Variants in ATF6 observed in about 807,000 individuals in gnomAD.
ATF6 encodes the protein activating transcription factor 6.
Under a neutral mutation model 83.6 loss-of-function variants are expected in ATF6, and 53 were observed. The ratio of observed to expected loss-of-function variants is 0.63; its 90% CI spans 0.51 to 0.80. The LOEUF (loss-of-function observed/expected upper bound fraction) is 0.80. Ranked by LOEUF, ATF6 falls within the 30% of genes least tolerant of loss-of-function variation. The probability of loss-of-function intolerance (pLI) is 0.00; values close to 1 mark genes in which losing one functional copy is unlikely to be tolerated. For synonymous variants in ATF6, 288 were observed against 285.8 expected (o/e 1.01, Z -0.08); for missense variants, 744 against 797.9 (o/e 0.93, Z 0.81).
intron 14 of ATF6, among the ~76,000 whole-genome samples, chr1:161,874,075 C>T (rs1435451055): frequency 6.6e-6 from 1 of 151,596 alleles, no homozygotes; most frequent in African/African-American, 2.4e-5. Flanking sequence ...AATTCAAATG[C>T]ATTTTTAAAA....
intron 7 of ATF6, among the ~76,000 whole-genome samples, 190 bp from the exon 8 acceptor site, chr1:161,819,443 G>C (rs1190847540): frequency 2.0e-5 from 3 of 152,110 alleles, no homozygotes; most frequent in Non-Finnish European, 2.9e-5. Flanking sequence ...GTTTTAGAAG[G>C]CCTTATTTAA....
chr1:161,961,269 G>GGGGT lies in ATF6; in HGVS notation c.*2617_*2620dup, dbSNP rs1334696876. 3 of 152,274 alleles carry GGGGT rather than the reference G, an allele frequency of 2.0e-5. No homozygotes were observed. The highest frequency in any genetic ancestry group is 4.4e-5 in the Non-Finnish European group (3 of 68,092). 9.4% of individuals were successfully genotyped at this position (152,274 alleles called of 1,614,324 possible). ...GGCCGGCAGCTCTGCCACAGAGCTA[G>GGGGT]GGGTGCCTGTAAGGTGCCGCCTAGA... is the stretch of plus-strand genomic sequence containing the variant. On this transcript the variant is annotated 3_prime_UTR_variant, in exon 16 of 16. Transcript: ENST00000367942.
chr1:161,915,127 A>T (rs573560823), intron 15 of ATF6, among the ~76,000 whole-genome samples: 89 of 152,278 alleles, frequency 5.8e-4, no homozygotes, highest in Admixed American at 2.6e-3. Flanking sequence ...CACTGAGAAA[A>T]TAGATGTCAT....
intron 6 of ATF6, among the ~76,000 whole-genome samples, chr1:161,792,643 T>G (rs1184434248): frequency 6.6e-6 from 1 of 152,144 alleles, no homozygotes; most frequent in East Asian, 1.9e-4. Flanking sequence ...GTCAGCCAGA[T>G]TTTTGTGGCT....
intron 6 of ATF6, among the ~76,000 whole-genome samples, chr1:161,800,702 A>G (rs1264040855): frequency 6.6e-6 from 1 of 152,154 alleles, no homozygotes; most frequent in Non-Finnish European, 1.5e-5. Context: ...TTAAAAGCCT[A>G]CTGTACCCTC....
intron 6 of ATF6, among the ~76,000 whole-genome samples, chr1:161,794,141 G>A (rs1352575981): frequency 3.9e-5 from 6 of 152,108 alleles, no homozygotes; most frequent in Middle Eastern, 3.4e-3. Flanking sequence ...TCTTGACCTC[G>A]TAATCGCCTG....
chr1:161,830,017 T>G (rs1251541101), intron 9 of ATF6, among the ~76,000 whole-genome samples: 1 of 152,090 alleles, frequency 6.6e-6, no homozygotes, highest in Non-Finnish European at 1.5e-5. Flanking sequence ...TCAAATTGTT[T>G]GCAGATGACA....
chr1:161,896,616 C>T (rs1048117643), intron 14 of ATF6, among the ~76,000 whole-genome samples: 1 of 152,136 alleles, frequency 6.6e-6, no homozygotes, highest in Non-Finnish European at 1.5e-5. Flanking sequence ...TGCAGATGAA[C>T]AGGAATCGAA....
chr1:161,913,117 G>A (rs1688024050), intron 15 of ATF6, among the ~76,000 whole-genome samples: 1 of 152,162 alleles, frequency 6.6e-6, no homozygotes, highest in South Asian at 2.1e-4. Flanking sequence ...CACAGTGTAT[G>A]TTATTGACTA....
At chr1:161,766,517 A>G in intron 1 of ATF6, 75 bp downstream of exon 1, 1 of 1,440,588 alleles carries the variant, frequency 6.9e-7, no homozygotes, top group South Asian at 1.2e-5. Flanking sequence ...ACTTCCGCCC[A>G]CTCGTGGTGA....
At chr1:161,776,976 G>C (rs910925122) in intron 1 of ATF6, among the ~76,000 whole-genome samples, 1 of 152,186 alleles carries the variant, frequency 6.6e-6, no homozygotes, top group Non-Finnish European at 1.5e-5. Context: ...GAGGTGGGAG[G>C]AAAACTGGGT....
At chr1:161,770,754 C>T (rs1157711668) in intron 1 of ATF6, among the ~76,000 whole-genome samples, 1 of 152,218 alleles carries the variant, frequency 6.6e-6, no homozygotes, top group Admixed American at 6.5e-5. Context: ...TTGCTTCCAA[C>T]TTTTGGCAAT....
intron 15 of ATF6, among the ~76,000 whole-genome samples, chr1:161,936,757 C>T (rs1184766367): frequency 6.6e-6 from 1 of 152,082 alleles, no homozygotes; most frequent in East Asian, 1.9e-4. Context: ...CACTCTAATC[C>T]CTGAACTCCA....
At chr1:161,931,418 C>T (rs61809464) in intron 15 of ATF6, among the ~76,000 whole-genome samples, 6,089 of 152,074 alleles carry the variant, frequency 0.04, 189 homozygotes, top group Non-Finnish European at 0.062. Flanking sequence ...CTTTTTCAGA[C>T]GAAATAATAT....
chr1:161,939,556 A>G (rs990561910), intron 15 of ATF6, among the ~76,000 whole-genome samples: 2 of 152,174 alleles, frequency 1.3e-5, no homozygotes, highest in Non-Finnish European at 2.9e-5. Context: ...AAAGTGTGGG[A>G]GCTTGTCCAA....
intron 14 of ATF6, among the ~76,000 whole-genome samples, chr1:161,906,750 A>G (rs1687884045): frequency 6.6e-6 from 1 of 152,182 alleles, no homozygotes; most frequent in Non-Finnish European, 1.5e-5. Flanking sequence ...TCTGGCTGAC[A>G]TGCGTATTAA....
At chr1:161,776,360 C>T (rs1419073914) in intron 1 of ATF6, among the ~76,000 whole-genome samples, 1 of 152,132 alleles carries the variant, frequency 6.6e-6, no homozygotes, top group Non-Finnish European at 1.5e-5. Flanking sequence ...ATCCTATTTC[C>T]TTGGATATGA....
intron 1 of ATF6, among the ~76,000 whole-genome samples, chr1:161,776,519 C>T (rs946187467): frequency 6.6e-6 from 1 of 152,100 alleles, no homozygotes; most frequent in Non-Finnish European, 1.5e-5. Flanking sequence ...TAGGAAGCCA[C>T]ATTACAGATA....
intron 15 of ATF6, among the ~76,000 whole-genome samples, chr1:161,917,964 G>A (rs1340710641): frequency 6.6e-6 from 1 of 152,078 alleles, no homozygotes; most frequent in African/African-American, 2.4e-5. Flanking sequence ...CTATATAGCA[G>A]AGCCAAGATT....
Sources: allele counts gnomAD v4.1 joint callset (sites outside exome capture counted in the v4.1 genomes callset), GRCh38; gene constraint gnomAD v4.1.1; transcripts MANE v1.5; gene names NCBI Gene and HGNC (gene_info 2026-07-23, HGNC 2026-07-21).